Variants in ACAP2 observed in about 807,000 individuals in gnomAD.
ACAP2 encodes the protein ArfGAP with coiled-coil, ankyrin repeat and PH domains 2.
ACAP2 carries 39 observed loss-of-function variants against 115.8 expected under a neutral mutation model. The observed-to-expected ratio is 0.34, with a 90% CI of 0.26 to 0.44. ACAP2 has a LOEUF of 0.44. Among genes scored for constraint, ACAP2 ranks in the 20% least tolerant of loss-of-function variants. The pLI is 1.00. For synonymous variants in ACAP2, 289 were observed against 315.8 expected, an observed-to-expected ratio of 0.92 and a Z score of 0.90; for missense variants, 662 against 927.6, an observed-to-expected ratio of 0.71 and a Z score of 3.72.
chr3:195,442,701 G>A, intron 1 of ACAP2, 94 bp downstream of exon 1: 1 of 1,340,840 alleles, frequency 7.5e-7, no homozygotes, highest in Non-Finnish European at 1.0e-6. Context: ...AGGAGCGGAC[G>A]GCGGGGCCTC....
intron 9 of ACAP2, among the ~76,000 whole-genome samples, chr3:195,325,933 G>A (rs1017242624): frequency 6.6e-6 from 1 of 152,120 alleles, no homozygotes; most frequent in South Asian, 2.1e-4. Flanking sequence ...ACACTAACTA[G>A]AAAGTAACTA....
At position 195,345,314 on chromosome 3, in the gene ACAP2, G is replaced by A; in HGVS notation, c.289C>T (p.Leu97=). 1 of 1,600,664 alleles carries A rather than the reference G, an allele frequency of 6.2e-7. No individual in the cohort carries two copies. Among genetic ancestry groups the A allele is most frequent in the South Asian group, 1.1e-5 (1 of 90,438 alleles). ...LQEMINFHTI[L]FDQTQRSIKA... ...ATTGATCTCTGAGTTTGGTCAAACA[G>A]GATCTAAAAAATAAAATGTAATATT... Residue 97 remains leucine, a synonymous_variant, in exon 5 of 23, where the codon CTG becomes TTG. Coordinates refer to ENST00000326793, the MANE Select transcript of ACAP2 (RefSeq NM_012287.6).
intron 1 of ACAP2, among the ~76,000 whole-genome samples, chr3:195,393,955 C>T (rs1025326398): frequency 4.0e-5 from 6 of 151,664 alleles, no homozygotes; most frequent in Admixed American, 4.0e-4. Flanking sequence ...ATTTATCAGT[C>T]TACGAACTAC....
rs532949691 is a variant in ACAP2, at chr3:195,346,758, G to C, written c.286-1441C>G. 1.1e-4 allele frequency among the ~76,000 whole-genome samples: 17 copies of C among 152,192 alleles called. No homozygotes were observed. In the South Asian group the frequency reaches 3.3e-3, roughly 30 times the overall value. On this transcript the variant is annotated intron_variant, in intron 4 of 22. Transcript: ENST00000326793. ...TTTCATTCCTAATTGCCAAAATATAGAAAATACCCAAATGTCTTTCAACCA... is the reference window on the plus strand; with the variant it reads ...TTTCATTCCTAATTGCCAAAATATACAAAATACCCAAATGTCTTTCAACCA...
chr3:195,382,879 GAA>G (rs112190227), intron 2 of ACAP2, among the ~76,000 whole-genome samples: 11 of 136,946 alleles, frequency 8.0e-5, no homozygotes, highest in Admixed American at 1.5e-4. Flanking sequence ...ACTATGCATG[GAA>G]AAAAAAAAAA....
At chr3:195,370,265 T>C (rs1018822820) in intron 4 of ACAP2, among the ~76,000 whole-genome samples, 5 of 152,202 alleles carry the variant, frequency 3.3e-5, no homozygotes, top group South Asian at 4.1e-4. Context: ...AATTGTCAAT[T>C]TTTGCTTTTG....
chr3:195,392,191 T>TGTACAC (rs1270302483), intron 1 of ACAP2, 44 bp from the exon 2 acceptor site: 2 of 1,475,678 alleles, frequency 1.4e-6, no homozygotes, highest in Admixed American at 1.8e-5. Flanking sequence ...TTTGTTTAAA[T>TGTACAC]GTACACTTTA....
chr3:195,407,662 AC>A (rs1277251178), intron 1 of ACAP2, among the ~76,000 whole-genome samples: 1 of 152,172 alleles, frequency 6.6e-6, no homozygotes, highest in African/African-American at 2.4e-5. Flanking sequence ...ATGCCACTGC[AC>A]TCCTGCCTGG....
At chr3:195,391,396 G>C (rs182585204) in intron 2 of ACAP2, among the ~76,000 whole-genome samples, 136 of 151,770 alleles carry the variant, frequency 9.0e-4, no homozygotes, top group East Asian at 3.5e-3. Context: ...CACTAATTTT[G>C]TATTTTTTTA....
At chr3:195,354,192 A>G (rs1298653591) in intron 4 of ACAP2, among the ~76,000 whole-genome samples, 2 of 152,202 alleles carry the variant, frequency 1.3e-5, no homozygotes, top group African/African-American at 2.4e-5. Context: ...TTATGGCTGC[A>G]TAGTATTCCA....
intron 4 of ACAP2, among the ~76,000 whole-genome samples, chr3:195,360,120 G>C (rs368361322): frequency 6.6e-5 from 10 of 152,170 alleles, no homozygotes; most frequent in African/African-American, 2.2e-4. Context: ...GCAATAATCT[G>C]TTGCTTACAA....
chr3:195,302,693 A>T (rs73206676), intron 13 of ACAP2, among the ~76,000 whole-genome samples: 1,528 of 152,364 alleles, frequency 0.01, 15 homozygotes, highest in Non-Finnish European at 0.014. Context: ...CTACAAAATT[A>T]TAACTACAGA....
intron 1 of ACAP2, among the ~76,000 whole-genome samples, chr3:195,424,326 G>A (rs1330777958): frequency 2.7e-5 from 3 of 110,104 alleles, no homozygotes; most frequent in African/African-American, 1.1e-4. Flanking sequence ...ACAGAGTCTC[G>A]CTCTGTCACC....
At chr3:195,285,254 T>C (rs1726767566) in intron 22 of ACAP2, 1 of 152,268 alleles carries the variant, frequency 6.6e-6, no homozygotes, top group Admixed American at 6.5e-5. Context: ...TTTTAGATTG[T>C]AGTACAAAAC....
chr3:195,280,144 T>A (rs1222000612), intron 22 of ACAP2, among the ~76,000 whole-genome samples: 2 of 152,096 alleles, frequency 1.3e-5, no homozygotes. Context: ...ATAGCGAGAC[T>A]ACATCTCTAC....
intron 22 of ACAP2, 176 bp from the exon 23 acceptor site, chr3:195,279,604 GA>G (rs909300739): frequency 5.8e-3 from 1,895 of 326,226 alleles, no homozygotes; most frequent in East Asian, 8.0e-3. Flanking sequence ...TGCAATGAAA[GA>G]AAAAAAAAAA....
chr3:195,342,689 C>A, intron 5 of ACAP2, 35 bp from the exon 6 acceptor site: 1 of 1,544,854 alleles, frequency 6.5e-7, no homozygotes, highest in Non-Finnish European at 8.7e-7. Context: ...ACTTTTATAA[C>A]TTGCTTCATT....
At chr3:195,287,266 T>C (rs991803125) in intron 21 of ACAP2, among the ~76,000 whole-genome samples, 2 of 152,248 alleles carry the variant, frequency 1.3e-5, no homozygotes, top group African/African-American at 2.4e-5. Flanking sequence ...CTGAATTCCA[T>C]GTGTAATAAA....
chr3:195,303,708 G>A (rs1728223936), intron 13 of ACAP2, among the ~76,000 whole-genome samples: 1 of 152,216 alleles, frequency 6.6e-6, no homozygotes, highest in Non-Finnish European at 1.5e-5. Flanking sequence ...GGTCAAGGCT[G>A]CAGTGAACTA....
Sources: gnomAD v4.1 joint callset for allele counts (sites outside exome capture counted in the v4.1 genomes callset) on GRCh38, gnomAD v4.1.1 for gene constraint, MANE v1.5 for transcripts, NCBI Gene and HGNC (gene_info 2026-07-23, HGNC 2026-07-21) for gene names.